Variants in EXOC2 observed in about 807,000 individuals in gnomAD.
EXOC2 encodes the protein SEC5-like 1.
Under a neutral mutation model 131.8 loss-of-function variants are expected in EXOC2, and 70 were observed. That is an observed-to-expected ratio of 0.53 (90% CI 0.44 to 0.65). The LOEUF is 0.65. Among genes scored for constraint, EXOC2 ranks in the 30% least tolerant of loss-of-function variants. The pLI is 0.00. For synonymous variants in EXOC2, 411 were observed against 398.4 expected (o/e 1.03, Z -0.38); for missense variants, 923 against 1,108.6 (o/e 0.83, Z 2.38).
intron 1 of EXOC2, among the ~76,000 whole-genome samples, chr6:685,077 C>T (rs769925981): frequency 2.6e-5 from 4 of 152,032 alleles, no homozygotes; most frequent in African/African-American, 7.3e-5. Context: ...AACACTATTT[C>T]GCTAACAGAT....
chr6:564,562 G>C lies in EXOC2; in HGVS notation c.1650C>G (p.His550Gln), dbSNP rs779200539. Residue 550 changes from histidine to glutamine, a missense_variant, in exon 15 of 28, where the codon CAC becomes CAG. His to Gln is a conservative substitution (Grantham distance 24, BLOSUM62 0). Coordinates refer to ENST00000230449, the MANE Select transcript of EXOC2 (RefSeq NM_018303.6). ...KCELSGQWLA[H>Q]AIQTVRLTHE... ...ATACTCACCTTACAGTCTGGATGGC[G>C]TGAGCGAGCCACTGTCCGGAGAGCT... The C allele has an allele frequency of 6.2e-7, 1 of 1,614,132 alleles. No individual in the cohort carries two copies. Among genetic ancestry groups the C allele is most frequent in the Non-Finnish European group, 8.5e-7 (1 of 1,180,042 alleles).
At chr6:524,282 C>T (rs1330222906) in intron 23 of EXOC2, 1 of 152,196 alleles carries the variant, frequency 6.6e-6, no homozygotes, top group East Asian at 1.9e-4. Context: ...CGTCCCATGA[C>T]TACCAAACAC....
chr6:644,126 A>G (rs903849628), intron 1 of EXOC2, among the ~76,000 whole-genome samples: 1 of 152,166 alleles, frequency 6.6e-6, no homozygotes, highest in Non-Finnish European at 1.5e-5. Context: ...TATATGAATT[A>G]TTTCAAAAAG....
At chr6:520,616 G>A (rs2473494) in intron 23 of EXOC2, among the ~76,000 whole-genome samples, 4 of 6,224 alleles carry the variant, frequency 6.4e-4, no homozygotes, top group South Asian at 7.8e-3. Flanking sequence ...TCGGAGACGA[G>A]AACCACCACC....
chr6:588,979 T>TA (rs1191322833), intron 11 of EXOC2, among the ~76,000 whole-genome samples: 18 of 152,328 alleles, frequency 1.2e-4, no homozygotes, highest in African/African-American at 3.6e-4. Context: ...TATGACGAGA[T>TA]AGATGAAATT....
At chr6:534,329 G>A (rs73716809) in intron 22 of EXOC2, among the ~76,000 whole-genome samples, 139 of 152,274 alleles carry the variant, frequency 9.1e-4, no homozygotes, top group African/African-American at 3.3e-3. Flanking sequence ...AACTTGAGTA[G>A]GCTTGCAGAG....
At position 560,911 on chromosome 6, in the gene EXOC2, T is replaced by C. The variant is rs546667221; in HGVS notation, c.1851+1873A>G. Among the ~76,000 whole-genome samples the C allele has an allele frequency of 2.6e-5, 4 of 152,180 alleles. 1 individual carries two copies. In the East Asian group the frequency reaches 5.8e-4, roughly 22 times the overall value. On this transcript the variant is annotated intron_variant, in intron 17 of 27. Transcript: ENST00000230449. ...TTAGTAGAGACAGGGTTTCACCATG[T>C]TGGTCAGGCTGGTCTCGAACTCCTG...
At chr6:573,056 T>C (rs1353411232) in intron 12 of EXOC2, among the ~76,000 whole-genome samples, 1 of 152,220 alleles carries the variant, frequency 6.6e-6, no homozygotes, top group Non-Finnish European at 1.5e-5. Context: ...GTTGTGAAAT[T>C]GCAGCTGATC....
At chr6:543,014 G>C (rs1030922668) in intron 22 of EXOC2, among the ~76,000 whole-genome samples, 2 of 152,180 alleles carry the variant, frequency 1.3e-5, no homozygotes, top group African/African-American at 4.8e-5. Context: ...ATGATAAGCT[G>C]GAGAGTGGAA....
At chr6:604,851 T>C (rs1561915485) in intron 7 of EXOC2, among the ~76,000 whole-genome samples, 1 of 151,604 alleles carries the variant, frequency 6.6e-6, no homozygotes, top group Non-Finnish European at 1.5e-5. Context: ...CCTCTGCTTG[T>C]CTGGGTACTT....
chr6:684,123 C>T (rs193059185), intron 1 of EXOC2, among the ~76,000 whole-genome samples: 8 of 152,270 alleles, frequency 5.3e-5, no homozygotes, highest in South Asian at 2.1e-4. Flanking sequence ...CTCCCTCGCA[C>T]GCAACATCTA....
intron 1 of EXOC2, among the ~76,000 whole-genome samples, chr6:640,341 G>A (rs1398197983): frequency 1.3e-5 from 2 of 152,098 alleles, no homozygotes; most frequent in Non-Finnish European, 2.9e-5. Flanking sequence ...TTAGGGTATC[G>A]TTTTCTGACC....
intron 10 of EXOC2, among the ~76,000 whole-genome samples, chr6:596,284 T>A (rs895236106): frequency 4.0e-5 from 6 of 151,784 alleles, no homozygotes; most frequent in African/African-American, 1.5e-4. Flanking sequence ...GTACGCCTCA[T>A]CACTAGGACA....
At position 497,357 on chromosome 6, in the gene EXOC2, A is replaced by G; in HGVS notation, c.2559+10T>C. 1 of 1,611,820 alleles carries G rather than the reference A, an allele frequency of 6.2e-7. No homozygotes were observed. Among genetic ancestry groups the G allele is most frequent in the Non-Finnish European group, 8.5e-7 (1 of 1,179,180 alleles). The stretch of plus-strand genomic sequence containing the variant: ...CAGAAGTTCAATATGAAATTGAATG[A>G]TTTTGTTACCTGTAAAGCTCCATTT... On this transcript the variant is annotated intron_variant, in intron 25 of 27. Transcript: ENST00000230449.
chr6:689,462 T>G (rs982019352), intron 1 of EXOC2, among the ~76,000 whole-genome samples: 1 of 152,198 alleles, frequency 6.6e-6, no homozygotes, highest in East Asian at 1.9e-4. Context: ...TGCACTCACT[T>G]ACCAGCCCCT....
At chr6:600,076 ATACTT>A (rs1325278747) in intron 7 of EXOC2, among the ~76,000 whole-genome samples, 1 of 152,214 alleles carries the variant, frequency 6.6e-6, no homozygotes, top group Non-Finnish European at 1.5e-5. Context: ...TCTAGTGACT[ATACTT>A]TAAGCAAAGA....
chr6:611,197 T>C (rs953310247), intron 6 of EXOC2, among the ~76,000 whole-genome samples: 2 of 152,224 alleles, frequency 1.3e-5, no homozygotes, highest in African/African-American at 2.4e-5. Flanking sequence ...GGACTATGCC[T>C]AAGCATTAGA....
Position 638,454 on chromosome 6 carries a change from T to C in EXOC2, c.-43-593A>G, listed in dbSNP as rs9502356. ...TAACAGAGGAGGGAAAAGTGTAGTT[T>C]CTGAGACCAGGTAGACTTGTGTTCA... is the stretch of plus-strand genomic sequence containing the variant. On this transcript the variant is annotated intron_variant, in intron 1 of 27. Coordinates refer to ENST00000230449, the MANE Select transcript of EXOC2 (RefSeq NM_018303.6). Among the ~76,000 whole-genome samples, 400 of 152,350 alleles carry C rather than the reference T, an allele frequency of 2.6e-3. 1 individual carries two copies. Among genetic ancestry groups the C allele is most frequent in the African/African-American group, 9.2e-3 (384 of 41,574 alleles).
intron 1 of EXOC2, among the ~76,000 whole-genome samples, chr6:686,980 T>C (rs1045298760): frequency 1.3e-5 from 2 of 152,186 alleles, no homozygotes; most frequent in African/African-American, 2.4e-5. Context: ...CAGCATTATT[T>C]ATTCACAAAT....
Sources: gnomAD v4.1 joint callset for allele counts (sites outside exome capture counted in the v4.1 genomes callset) on GRCh38, gnomAD v4.1.1 for gene constraint, MANE v1.5 for transcripts, NCBI Gene and HGNC (gene_info 2026-07-23, HGNC 2026-07-21) for gene names.